ALDH1L2: variants seen among roughly 807,000 people sequenced by gnomAD.
The protein encoded by ALDH1L2 is mitochondrial 10-formyltetrahydrofolate dehydrogenase.
ALDH1L2 carries 91 observed loss-of-function variants against 111.0 expected under a neutral mutation model. That is an observed-to-expected ratio of 0.82 (90% confidence interval 0.69 to 0.98). ALDH1L2 has a LOEUF of 0.98. Ranked by LOEUF, ALDH1L2 falls within the 50% of genes least tolerant of loss-of-function variation. The pLI, the probability that ALDH1L2 is intolerant of heterozygous loss-of-function variation, is 0.00. For synonymous variants in ALDH1L2, 374 were observed against 392.6 expected, an observed-to-expected ratio of 0.95 and a Z score of 0.56; for missense variants, 995 against 1,126.8, an observed-to-expected ratio of 0.88 and a Z score of 1.67.
At chr12:105,077,950 C>T (rs1236250853) in intron 1 of ALDH1L2, among the ~76,000 whole-genome samples, 1 of 152,150 alleles carries the variant, frequency 6.6e-6, no homozygotes, top group African/African-American at 2.4e-5. Flanking sequence ...GTACATTTTC[C>T]TGAGACCCTG....
chr12:105,061,141 C>T, intron 8 of ALDH1L2, 69 bp from the exon 9 acceptor site: 3 of 1,312,034 alleles, frequency 2.3e-6, no homozygotes, highest in Middle Eastern at 1.9e-4. Context: ...TGGGCTAGCT[C>T]TTCACCAAAC....
chr12:105,035,839 ATGTGTGTGTGTGTG>A (rs1159145670), intron 18 of ALDH1L2, among the ~76,000 whole-genome samples: 1 of 100,244 alleles, frequency 1.0e-5, no homozygotes, highest in African/African-American at 6.1e-5. Flanking sequence ...ATATATATAT[ATGTGTGTGTGTGTG>A]TGTGTGTGTG....
Position 105,058,085 on chromosome 12 carries a change from C to A in ALDH1L2, c.1275G>T (p.Leu425=). 3 of 1,612,522 alleles carry A rather than the reference C, an allele frequency of 1.9e-6. No individual in the cohort carries two copies. Among genetic ancestry groups the A allele is most frequent in the Non-Finnish European group, 2.5e-6 (3 of 1,179,424 alleles). ...KLRGEDQEVE[L]VVDYISKEVN... is the part of the protein sequence containing the mutation. The stretch of plus-strand genomic sequence containing the variant: ...AGGAAAAGCTTACATAATCTACAAC[C>A]AGCTCCACCTCTTGATCTTCTCCTC... The change falls in exon 10 of 23, where the codon CTG becomes CTT. Residue 425 remains leucine (L), a synonymous_variant. Transcript: ENST00000258494.
At chr12:105,056,579 C>T (rs1456476084) in intron 10 of ALDH1L2, among the ~76,000 whole-genome samples, 1 of 151,416 alleles carries the variant, frequency 6.6e-6, no homozygotes, top group Non-Finnish European at 1.5e-5. Flanking sequence ...AATTATAAAA[C>T]TGTTGGTGGG....
intron 9 of ALDH1L2, chr12:105,060,300 T>G (rs1444867104): frequency 6.6e-6 from 1 of 152,136 alleles, no homozygotes; most frequent in African/African-American, 2.4e-5. Context: ...TCAGGCTGCG[T>G]AGGAAATTCA....
chr12:105,047,383 T>C (rs1875985240), intron 13 of ALDH1L2: 1 of 197,136 alleles, frequency 5.1e-6, no homozygotes, highest in Admixed American at 5.3e-5. Flanking sequence ...AGGGGAATGC[T>C]ACTTAAACTA....
intron 1 of ALDH1L2, among the ~76,000 whole-genome samples, chr12:105,080,995 A>T (rs1878311119): frequency 6.6e-6 from 1 of 152,208 alleles, no homozygotes; most frequent in Non-Finnish European, 1.5e-5. Context: ...TCTTGTCATT[A>T]TTCCATAAAC....
chr12:105,026,060 T>G (rs533081050), intron 22 of ALDH1L2, among the ~76,000 whole-genome samples: 7 of 152,258 alleles, frequency 4.6e-5, no homozygotes, highest in Admixed American at 1.3e-4. Flanking sequence ...AACTCTTAAG[T>G]CTCATTGCTC....
At chr12:105,072,630 A>G (rs769383931) in intron 2 of ALDH1L2, 2 of 152,232 alleles carry the variant, frequency 1.3e-5, no homozygotes, top group Non-Finnish European at 2.9e-5. Flanking sequence ...GAAAGATCAT[A>G]TGGCAAAGAA....
intron 13 of ALDH1L2, chr12:105,048,471 T>C (rs1030618087): frequency 6.6e-6 from 1 of 152,180 alleles, no homozygotes; most frequent in African/African-American, 2.4e-5. Context: ...TTTGTTAAAT[T>C]CCTCTTACCA....
rs1429733697 is a variant in ALDH1L2 at position 105,036,519 on chromosome 12, TA to T, written c.2145+1583del. 2.5e-3 allele frequency among the ~76,000 whole-genome samples: 23 copies of T among 9,070 alleles called. 1 individual carries two copies. The African/African-American group carries it at 0.032, about 13-fold the overall frequency. The allele number at this position is 9,070 out of a possible 152,430, so 6.0% of individuals were successfully genotyped here. A position where few individuals can be genotyped will look rare whatever the true frequency, so the allele number is the denominator to read the frequency against. On this transcript the variant is annotated intron_variant, in intron 18 of 22. Transcript: ENST00000258494. ...TATATATGTATATATATATTTTATA[TA>T]TATATATATATATATATATATATAT...
chr12:105,040,663 T>C lies in ALDH1L2; in HGVS notation c.1895A>G (p.Glu632Gly). Reference protein sequence around the residue: ...VTPLTALKFAELSVKAGFPKG... With the variant: ...VTPLTALKFAGLSVKAGFPKG... ...TGGAAAGCCTGCTTTCACAGACAGT[T>C]CTGCAAACTTCAAAGCAGTCAAGGG... The change falls in exon 16 of 23, where the codon GAA (glutamate) becomes GGA (glycine). Residue 632 changes from glutamate to glycine, a missense_variant. Transcript: ENST00000258494. 6.2e-7 allele frequency: 1 copy of C among 1,614,158 alleles called. No homozygotes were observed. The highest frequency in any genetic ancestry group is 1.7e-4 in the Middle Eastern group (1 of 6,060).
intron 17 of ALDH1L2, among the ~76,000 whole-genome samples, chr12:105,038,493 C>A (rs1402377594): frequency 6.6e-6 from 1 of 151,890 alleles, no homozygotes; most frequent in East Asian, 1.9e-4. Flanking sequence ...ATGGCAAGAC[C>A]TCATCTCTAT....
intron 19 of ALDH1L2, among the ~76,000 whole-genome samples, chr12:105,032,661 T>G (rs1874773189): frequency 6.6e-6 from 1 of 152,200 alleles, no homozygotes; most frequent in African/African-American, 2.4e-5. Context: ...TTTTTCCACT[T>G]GAAATCCCAA....
intron 13 of ALDH1L2, 76 bp downstream of exon 13, chr12:105,049,832 A>T (rs1565959140): frequency 6.9e-7 from 1 of 1,457,336 alleles, no homozygotes; most frequent in African/African-American, 1.4e-5. Flanking sequence ...TAAAAAGAGG[A>T]TCTGACACAG....
At chr12:105,073,507 T>C (rs1284250595) in intron 2 of ALDH1L2, among the ~76,000 whole-genome samples, 1 of 152,238 alleles carries the variant, frequency 6.6e-6, no homozygotes, top group Non-Finnish European at 1.5e-5. Flanking sequence ...GCAATCCTTC[T>C]GAAGTCCACG....
At chr12:105,034,520 A>G in intron 18 of ALDH1L2, 122 bp from the exon 19 acceptor site, 1 of 765,494 alleles carries the variant, frequency 1.3e-6, no homozygotes, top group East Asian at 2.8e-5. Flanking sequence ...TAAGTCACAG[A>G]CAATCCTCTT....
At position 105,073,910 on chromosome 12, in the gene ALDH1L2, T is replaced by C. The variant is rs572497386; in HGVS notation, c.144A>G (p.Val48=). 5.0e-6 allele frequency: 8 copies of C among 1,614,188 alleles called. No individual in the cohort carries two copies. In the African/African-American group the frequency reaches 9.3e-5, roughly 19 times the overall value. Residue 48 remains valine, a synonymous_variant, in exon 2 of 23, where the codon GTA becomes GTG. Coordinates refer to ENST00000258494, the MANE Select transcript of ALDH1L2 (RefSeq NM_001034173.4). ...TGTCTGGAACTGTGAACACCCCTAC[T>C]ACTCGGTGGCCCTCTTTGCGGAGGT... ...YSHLRKEGHR[V]VGVFTVPDKD... is the part of the protein sequence containing the mutation.
At chr12:105,048,309 A>G (rs1876040409) in intron 13 of ALDH1L2, 1 of 152,246 alleles carries the variant, frequency 6.6e-6, no homozygotes, top group Admixed American at 6.5e-5. Context: ...GATAAGGGCC[A>G]GAGCTGAGAC....
Sources: allele counts gnomAD v4.1 joint callset (sites outside exome capture counted in the v4.1 genomes callset), GRCh38; gene constraint gnomAD v4.1.1; transcripts MANE v1.5; gene names NCBI Gene and HGNC (gene_info 2026-07-23, HGNC 2026-07-21).